USH2A: variants seen among roughly 807,000 people sequenced by gnomAD.
USH2A encodes usherin.
In USH2A, 443 loss-of-function variants were observed where a neutral mutation model predicts 538.9. The ratio of observed to expected loss-of-function variants is 0.82; its 90% CI spans 0.76 to 0.89. The LOEUF is 0.89. USH2A is among the 40% of genes least tolerant of loss of function. The pLI is 0.00. For synonymous variants in USH2A, 2,413 were observed against 2,273.5 expected (o/e 1.06, Z -1.75); for missense variants, 6,633 against 6,324.8 (o/e 1.05, Z -1.65).
At chr1:216,242,343 T>G (rs573769026) in intron 13 of USH2A, among the ~76,000 whole-genome samples, 635 of 150,398 alleles carry the variant, frequency 4.2e-3, no homozygotes, top group African/African-American at 0.015. Context: ...GCGACAGAGC[T>G]AGACTCCATC....
At chr1:215,732,796 C>T (rs1207940939) in intron 60 of USH2A, among the ~76,000 whole-genome samples, 1 of 151,998 alleles carries the variant, frequency 6.6e-6, no homozygotes, top group Admixed American at 6.6e-5. Context: ...CCTCTTCAGC[C>T]TCCCAAAGTG....
rs145702946 is a variant in USH2A at position 216,165,260 on chromosome 1, A to G, written c.4627+9992T>C. Reference sequence around the variant, plus strand: ...AGCCCTAATGATATGTATAGGTAAAAGTGTCAAAATATTCATTAACCTCAA... The same window carrying G: ...AGCCCTAATGATATGTATAGGTAAAGGTGTCAAAATATTCATTAACCTCAA... On this transcript the variant is annotated intron_variant, in intron 21 of 71. Coordinates refer to ENST00000307340, the MANE Select transcript of USH2A (RefSeq NM_206933.4). Among the ~76,000 whole-genome samples the G allele has an allele frequency of 2.5e-3, 379 of 152,250 alleles. 3 individuals are homozygous for G. Among genetic ancestry groups the G allele is most frequent in the African/African-American group, 8.8e-3 (365 of 41,548 alleles).
intron 19 of USH2A, chr1:216,194,359 C>T (rs1274338079): frequency 6.6e-6 from 1 of 151,966 alleles, no homozygotes; most frequent in East Asian, 1.9e-4. Flanking sequence ...ACAAGGACTA[C>T]TCTGGGGAAA....
intron 35 of USH2A, among the ~76,000 whole-genome samples, chr1:215,988,340 C>T (rs1667928776): frequency 6.6e-6 from 1 of 152,284 alleles, no homozygotes; most frequent in East Asian, 1.9e-4. Flanking sequence ...AAGTTTCATC[C>T]AGAGCATATT....
rs370392061 is a variant in USH2A, at chr1:216,094,215, C to T, written c.4758+2868G>A. On this transcript the variant is annotated intron_variant, in intron 22 of 71. Transcript: ENST00000307340. ...GATTTTTGTTGATTTTTTAACTTAG[C>T]ATTTGCTGTCCTTTTTAACCTTGTT... 7.9e-5 allele frequency among the ~76,000 whole-genome samples: 12 copies of T among 152,278 alleles called. 1 individual carries two copies. The highest frequency in any genetic ancestry group is 2.0e-4 in the Admixed American group (3 of 15,288).
At chr1:215,924,411 A>G (rs1008806601) in intron 38 of USH2A, among the ~76,000 whole-genome samples, 1 of 152,138 alleles carries the variant, frequency 6.6e-6, no homozygotes, top group Non-Finnish European at 1.5e-5. Context: ...GAATTTTCTC[A>G]CTTTTGTGAG....
chr1:216,265,224 A>G (rs2036449092), intron 11 of USH2A, among the ~76,000 whole-genome samples: 1 of 144,420 alleles, frequency 6.9e-6, no homozygotes, highest in South Asian at 2.1e-4. Context: ...AAGAAGACAT[A>G]CAAATAGCCA....
At chr1:216,396,410 T>A (rs2039213114) in intron 3 of USH2A, among the ~76,000 whole-genome samples, 1 of 152,092 alleles carries the variant, frequency 6.6e-6, no homozygotes, top group Non-Finnish European at 1.5e-5. Flanking sequence ...TCACCTAGAG[T>A]TTATGCTCAG....
chr1:215,976,501 T>G (rs2102463022), intron 35 of USH2A, among the ~76,000 whole-genome samples: 1 of 152,320 alleles, frequency 6.6e-6, no homozygotes, highest in South Asian at 2.1e-4. Context: ...GCCTACTTTG[T>G]TGAGGGCTTT....
chr1:215,942,787 T>A (rs77361458), intron 37 of USH2A, among the ~76,000 whole-genome samples: 1 of 152,096 alleles, frequency 6.6e-6, no homozygotes, highest in African/African-American at 2.4e-5. Flanking sequence ...CCAAAAAAAA[T>A]CCTCTCCAAT....
chr1:216,015,834 C>T (rs559662078), intron 32 of USH2A, among the ~76,000 whole-genome samples: 18 of 152,268 alleles, frequency 1.2e-4, no homozygotes, highest in African/African-American at 4.1e-4. Flanking sequence ...CTAGCTATCC[C>T]ATTACTGGGC....
intron 38 of USH2A, among the ~76,000 whole-genome samples, chr1:215,927,572 A>G (rs963861810): frequency 6.6e-6 from 1 of 152,092 alleles, no homozygotes; most frequent in African/African-American, 2.4e-5. Flanking sequence ...ACCACCAATC[A>G]CAATAGATAA....
In USH2A at chr1:215,674,242, T is replaced by G; in HGVS notation, c.13669A>C (p.Arg4557=). Residue 4557 remains arginine, a synonymous_variant, in exon 63 of 72, where the codon AGA becomes CGA. Transcript: ENST00000307340. ...EILVNWDPPV[R]TNGDIINYTL... Reference sequence around the variant, plus strand: ...TAATTGATGATATCACCATTTGTTCTCACTGGAGGGTCCCAGTTCACTAAG... The same window carrying G: ...TAATTGATGATATCACCATTTGTTCGCACTGGAGGGTCCCAGTTCACTAAG... 6.2e-7 allele frequency: 1 copy of G among 1,614,176 alleles called. No homozygotes were observed. The highest frequency in any genetic ancestry group is 8.5e-7 in the Non-Finnish European group (1 of 1,180,016).
intron 3 of USH2A, among the ~76,000 whole-genome samples, chr1:216,405,055 C>G (rs1463186900): frequency 6.6e-6 from 1 of 150,712 alleles, no homozygotes. Flanking sequence ...TTCGTAAAGA[C>G]AAGGTGCCCA....
chr1:216,165,531 C>T (rs1203505380), intron 21 of USH2A, among the ~76,000 whole-genome samples: 1 of 152,206 alleles, frequency 6.6e-6, no homozygotes, highest in South Asian at 2.1e-4. Flanking sequence ...AGAGACTAAA[C>T]AAATTGAGTT....
intron 60 of USH2A, among the ~76,000 whole-genome samples, chr1:215,732,728 A>C (rs1407031681): frequency 6.6e-6 from 1 of 151,230 alleles, no homozygotes; most frequent in Non-Finnish European, 1.5e-5. Flanking sequence ...TTTTTAATAG[A>C]GACGGGGTTT....
rs981361092 is a variant in USH2A at position 215,674,416 on chromosome 1, G to C, written c.13495C>G (p.Leu4499Val). The change falls in exon 63 of 72, where the codon CTC becomes GTC. Residue 4499 changes from leucine to valine, a missense_variant. Coordinates refer to ENST00000307340, the MANE Select transcript of USH2A (RefSeq NM_206933.4). ...GLETRYRDFT[L>V]TPGVEYSYTV... ...TAGCTATACTCCACACCTGGGGTGA[G>C]AGTAAAATCACGATAGCGTGTTTCC... The C allele has an allele frequency of 5.0e-6, 8 of 1,613,988 alleles. No individual in the cohort carries two copies. The highest frequency in any genetic ancestry group is 1.1e-5 in the South Asian group (1 of 91,064).
chr1:216,282,397 G>A (rs145023852), intron 11 of USH2A, among the ~76,000 whole-genome samples: 1 of 152,026 alleles, frequency 6.6e-6, no homozygotes, highest in African/African-American at 2.4e-5. Context: ...GAATTAATTT[G>A]TTTATATGTG....
chr1:215,983,936 G>C (rs530210723), intron 35 of USH2A, among the ~76,000 whole-genome samples: 1 of 152,290 alleles, frequency 6.6e-6, no homozygotes, highest in Admixed American at 6.5e-5. Flanking sequence ...AAAGAAAGAG[G>C]CTTCAAATAG....
Sources: allele counts gnomAD v4.1 joint callset (sites outside exome capture counted in the v4.1 genomes callset), GRCh38; gene constraint gnomAD v4.1.1; transcripts MANE v1.5; gene names NCBI Gene and HGNC (gene_info 2026-07-23, HGNC 2026-07-21).